Variants in TMEM217 observed in about 807,000 individuals in gnomAD.
TMEM217 encodes transmembrane protein 217, also known as chromosome 6 open reading frame 128.
For synonymous variants in TMEM217, 76 were observed against 88.3 expected (o/e 0.86, Z 0.78); for missense variants, 204 against 248.8 (o/e 0.82, Z 1.21).
At chr6:37,251,875 G>A (rs1342499010) in intron 1 of TMEM217, among the ~76,000 whole-genome samples, 2 of 152,142 alleles carry the variant, frequency 1.3e-5, no homozygotes, top group Admixed American at 6.5e-5. Flanking sequence ...TGACCTAGGA[G>A]ATAAAAATGG....
exon 4 of TMEM217, chr6:37,212,495 G>A (rs1208134228): frequency 2.0e-5 from 9 of 456,466 alleles, no homozygotes; most frequent in Admixed American, 9.4e-5. Flanking sequence ...AGCCTGTGGC[G>A]GCGTTTCCTG....
At chr6:37,218,986 G>A (rs148718770) in exon 2 of TMEM217, 41 of 1,614,140 alleles carry the variant, frequency 2.5e-5, no homozygotes, top group African/African-American at 9.3e-5. Context: ...CTGACAACAC[G>A]GTGCCCATTT....
chr6:37,237,201 G>A (rs557798023), intron 1 of TMEM217, among the ~76,000 whole-genome samples: 21 of 152,286 alleles, frequency 1.4e-4, no homozygotes, highest in African/African-American at 5.1e-4. Flanking sequence ...CCAAGATGTA[G>A]GGACTTCTGA....
chr6:37,257,401 G>A (rs1314094362), intron 1 of TMEM217, among the ~76,000 whole-genome samples, 167 bp downstream of exon 1: 1 of 152,194 alleles, frequency 6.6e-6, no homozygotes, highest in Non-Finnish European at 1.5e-5. Flanking sequence ...ATTGAGAGAT[G>A]TTAAAAATGG....
intron 1 of TMEM217, among the ~76,000 whole-genome samples, chr6:37,245,804 C>CTTT (rs59353140): frequency 7.7e-5 from 11 of 143,656 alleles, no homozygotes; most frequent in African/African-American, 2.7e-4. Context: ...TTCTTTCTTT[C>CTTT]TTTTTTTTTT....
At chr6:37,214,139 A>T (rs550801316), downstream of TMEM217, among the ~76,000 whole-genome samples, 1 of 152,218 alleles carries the variant, frequency 6.6e-6, no homozygotes, top group African/African-American at 2.4e-5. Flanking sequence ...TCACCACTTT[A>T]GCCCTTTTTG....
intron 1 of TMEM217, among the ~76,000 whole-genome samples, chr6:37,235,041 CAG>C (rs1764416706): frequency 6.6e-6 from 1 of 152,170 alleles, no homozygotes; most frequent in South Asian, 2.1e-4. Context: ...TTAAAAAACA[CAG>C]TATCTTCTTA....
intron 1 of TMEM217, among the ~76,000 whole-genome samples, chr6:37,221,543 C>G (rs2113821525): frequency 6.6e-6 from 1 of 152,218 alleles, no homozygotes; most frequent in South Asian, 2.1e-4. Context: ...ACATAATGTC[C>G]TCAAGGTTCA....
At chr6:37,244,978 G>A (rs143853021) in intron 1 of TMEM217, among the ~76,000 whole-genome samples, 1 of 152,286 alleles carries the variant, frequency 6.6e-6, no homozygotes, top group African/African-American at 2.4e-5. Context: ...TCATCCAGCA[G>A]GCTAGCCTAG....
At chr6:37,214,708 T>C (rs1407619962), downstream of TMEM217, among the ~76,000 whole-genome samples, 1 of 152,238 alleles carries the variant, frequency 6.6e-6, no homozygotes, top group Non-Finnish European at 1.5e-5. Context: ...TCTGGCTTAC[T>C]TCACTTAGCA....
chr6:37,230,096 T>G (rs1013401372), intron 1 of TMEM217, among the ~76,000 whole-genome samples: 5 of 152,152 alleles, frequency 3.3e-5, no homozygotes, highest in Non-Finnish European at 7.4e-5. Flanking sequence ...GAGGCCTCCT[T>G]CCAGGCCTTG....
In TMEM217 at chr6:37,256,652, T is replaced by C. The variant is rs945101800; in HGVS notation, c.-12+916A>G. 4.7e-5 allele frequency among the ~76,000 whole-genome samples: 7 copies of C among 150,086 alleles called. No individual in the cohort carries two copies. In the East Asian group the frequency reaches 1.4e-3, roughly 29 times the overall value. ...GAAGAAACCGTCGTTGGAGGACATATAAAAGAAGGTCCTTCTTTGGCTGGG... is the reference window on the plus strand; with the variant it reads ...GAAGAAACCGTCGTTGGAGGACATACAAAAGAAGGTCCTTCTTTGGCTGGG... On this transcript the variant is annotated intron_variant, in intron 1 of 1. Transcript: ENST00000357219.
intron 1 of TMEM217, among the ~76,000 whole-genome samples, chr6:37,226,374 G>C (rs1424225297): frequency 7.8e-6 from 1 of 128,930 alleles, no homozygotes; most frequent in Non-Finnish European, 1.6e-5. Context: ...CTCACTGCAA[G>C]CTCCGCCTCC....
chr6:37,229,499 C>G (rs551329865), intron 1 of TMEM217, among the ~76,000 whole-genome samples: 1 of 151,902 alleles, frequency 6.6e-6, no homozygotes, highest in Non-Finnish European at 1.5e-5. Flanking sequence ...CCCGCCACCA[C>G]GCCCGGCTAA....
At chr6:37,246,438 T>G (rs982105530) in intron 1 of TMEM217, among the ~76,000 whole-genome samples, 3 of 152,162 alleles carry the variant, frequency 2.0e-5, no homozygotes, top group African/African-American at 7.2e-5. Flanking sequence ...AAACTGTTAC[T>G]TTTGCTCACA....
exon 1 of TMEM217, chr6:37,258,065 G>A: frequency 7.0e-7 from 1 of 1,426,620 alleles, no homozygotes; most frequent in Non-Finnish European, 9.5e-7. Flanking sequence ...CGCCACAGAG[G>A]CCAGAAGACT....
intron 1 of TMEM217, among the ~76,000 whole-genome samples, chr6:37,230,044 C>T (rs1764108821): frequency 6.6e-6 from 1 of 152,230 alleles, no homozygotes; most frequent in African/African-American, 2.4e-5. Flanking sequence ...AAGATCCCTA[C>T]TTCCTTGCTG....
At chr6:37,251,821 G>A (rs1376112334) in intron 1 of TMEM217, among the ~76,000 whole-genome samples, 1 of 152,056 alleles carries the variant, frequency 6.6e-6, no homozygotes, top group East Asian at 1.9e-4. Flanking sequence ...GCAGGAGATG[G>A]CAAATTACCA....
Position 37,234,163 on chromosome 6 carries a change from GAT to G in TMEM217, c.-11-15124_-11-15123del, listed in dbSNP as rs1764360995. On this transcript the variant is annotated intron_variant, in intron 1 of 1. Transcript: ENST00000357219. ...CACCCAGGATGGAGTGCAGTGGTGT[GAT>G]CTTGGCTCACTGCAACCTCTGTCTC... Among the ~76,000 whole-genome samples, 9 of 149,230 alleles carry G rather than the reference GAT, an allele frequency of 6.0e-5. No homozygotes were observed. In the South Asian group the frequency reaches 1.9e-3, roughly 32 times the overall value.
Sources: gnomAD v4.1 joint callset for allele counts (sites outside exome capture counted in the v4.1 genomes callset) on GRCh38, gnomAD v4.1.1 for gene constraint, MANE v1.5 for transcripts, NCBI Gene and HGNC (gene_info 2026-07-23, HGNC 2026-07-21) for gene names.